Variants in FANCL observed in about 807,000 individuals in gnomAD.
The protein encoded by FANCL is FA complementation group L, also known as E3 ubiquitin-protein ligase FANCL.
A neutral mutation model predicts 59.4 loss-of-function variants in FANCL; 69 were observed. The ratio of observed to expected loss-of-function variants is 1.16; its 90% CI spans 0.96 to 1.42. FANCL has a LOEUF of 1.42. FANCL is among the 40% of genes most tolerant of loss of function. The pLI is 0.00. For synonymous variants in FANCL, 180 were observed against 147.1 expected (o/e 1.22, Z -1.62); for missense variants, 519 against 447.2 (o/e 1.16, Z -1.45).
chr2:58,228,856 T>A (rs192124647), intron 3 of FANCL, among the ~76,000 whole-genome samples: 1 of 152,096 alleles, frequency 6.6e-6, no homozygotes, highest in Admixed American at 6.5e-5. Context: ...GAGTAATAGA[T>A]CTTAATATTA....
In FANCL at chr2:58,241,309, G is replaced by A. The variant is rs551142193; in HGVS notation, c.5C>T (p.Ala2Val). Reference protein sequence around the residue: MAVTEASLLRQC... With the variant: MVVTEASLLRQC... ...GCGCAACAGGCTCGCTTCCGTCACC[G>A]CCATGGCTCGAAGTCCGGAGAAACA... Residue 2 changes from alanine to valine, a missense_variant, in exon 1 of 14, where the codon GCG becomes GTG. Coordinates refer to ENST00000233741, the MANE Select transcript of FANCL (RefSeq NM_018062.4). 6.2e-6 allele frequency: 10 copies of A among 1,614,024 alleles called. No homozygotes were observed. The highest frequency in any genetic ancestry group is 1.3e-5 in the African/African-American group (1 of 75,070).
At position 58,241,245 on chromosome 2, in the gene FANCL, G is replaced by A. The variant is rs2104080806; in HGVS notation, c.69C>T (p.Thr23=). ...PLLLPQNRSK[T]VYEGFISAQG... Reference sequence around the variant, plus strand: ...GAGCCGAGATGAATCCCTCATACACGGTTTTCGACCGGTTCTGGGGCAGAA... The same window carrying A: ...GAGCCGAGATGAATCCCTCATACACAGTTTTCGACCGGTTCTGGGGCAGAA... The change falls in exon 1 of 14, where the codon ACC becomes ACT. Residue 23 remains threonine, a synonymous_variant. Coordinates refer to ENST00000233741, the MANE Select transcript of FANCL (RefSeq NM_018062.4). 6.2e-7 allele frequency: 1 copy of A among 1,614,248 alleles called. No homozygotes were observed. Among genetic ancestry groups the A allele is most frequent in the South Asian group, 1.1e-5 (1 of 91,084 alleles).
intron 5 of FANCL, among the ~76,000 whole-genome samples, chr2:58,204,430 A>G (rs1310468365): frequency 6.6e-6 from 1 of 152,112 alleles, no homozygotes; most frequent in South Asian, 2.1e-4. Context: ...ATGCAGTCAT[A>G]TATCTCTGGA....
intron 1 of FANCL, among the ~76,000 whole-genome samples, chr2:58,240,110 TAAAA>T (rs79031739): frequency 5.4e-5 from 7 of 130,676 alleles, no homozygotes; most frequent in Non-Finnish European, 1.0e-4. Context: ...ATGCTTCCTG[TAAAA>T]AAAAAAAAAA....
chr2:58,159,442 C>A lies in FANCL; in HGVS notation c.*323G>T. ...ACAAAAAATCAGCTATACACAATTC[C>A]CAAACTCATTTTATGAGCCTCATCA... is the stretch of plus-strand genomic sequence containing the variant. On this transcript the variant is annotated 3_prime_UTR_variant, in exon 14 of 14. Coordinates refer to ENST00000233741, the MANE Select transcript of FANCL (RefSeq NM_018062.4). 6.2e-7 allele frequency: 1 copy of A among 1,613,508 alleles called. No individual in the cohort carries two copies. The highest frequency in any genetic ancestry group is 8.5e-7 in the Non-Finnish European group (1 of 1,179,658).
chr2:58,236,013 T>TTTGGAGTGCCCA (rs1693983590), intron 1 of FANCL, among the ~76,000 whole-genome samples: 1 of 150,588 alleles, frequency 6.6e-6, no homozygotes, highest in South Asian at 2.1e-4. Flanking sequence ...AATGCATGTA[T>TTTGGAGTGCCCA]TTGGAGTGCC....
intron 5 of FANCL, among the ~76,000 whole-genome samples, chr2:58,215,113 C>A (rs1691582948): frequency 6.6e-6 from 1 of 152,178 alleles, no homozygotes; most frequent in Admixed American, 6.5e-5. Context: ...CATTAAGCAT[C>A]TGAAGATAAG....
chr2:58,196,737 G>A (rs1417614681), intron 7 of FANCL, among the ~76,000 whole-genome samples: 1 of 151,808 alleles, frequency 6.6e-6, no homozygotes, highest in African/African-American at 2.4e-5. Flanking sequence ...ATAAATGCCT[G>A]GGGAAACTTC....
At position 58,160,094 on chromosome 2, in the gene FANCL, A is replaced by C. The variant is rs778127243; in HGVS notation, c.1092+14T>G. 3.1e-6 allele frequency: 5 copies of C among 1,611,238 alleles called. No individual in the cohort carries two copies. The South Asian group carries it at 4.4e-5, about 14-fold the overall frequency. ...TAGGCACATTTTATGAGATGTGATT[A>C]ACAATTTGCTTACCTTACTACAATA... On this transcript the variant is annotated intron_variant, in intron 13 of 13. Transcript: ENST00000233741.
intron 7 of FANCL, among the ~76,000 whole-genome samples, chr2:58,176,603 T>C (rs1687344823): frequency 6.6e-6 from 1 of 152,178 alleles, no homozygotes; most frequent in Non-Finnish European, 1.5e-5. Flanking sequence ...CCGGATCCCT[T>C]CCTTACACCT....
At chr2:58,178,673 A>G (rs1687616455) in intron 7 of FANCL, among the ~76,000 whole-genome samples, 1 of 152,180 alleles carries the variant, frequency 6.6e-6, no homozygotes, top group Non-Finnish European at 1.5e-5. Context: ...AACCAGCACA[A>G]GACAAGGATG....
intron 5 of FANCL, among the ~76,000 whole-genome samples, chr2:58,210,232 T>A (rs1194193448): frequency 6.6e-6 from 1 of 152,190 alleles, no homozygotes; most frequent in Non-Finnish European, 1.5e-5. Context: ...AAGGCTTAAT[T>A]GGACTCACAG....
At chr2:58,167,119 G>GGAGAATCACTT (rs1686033794) in intron 7 of FANCL, among the ~76,000 whole-genome samples, 1 of 152,200 alleles carries the variant, frequency 6.6e-6, no homozygotes, top group Non-Finnish European at 1.5e-5. Context: ...GACAGAGGCA[G>GGAGAATCACTT]GAGAATCACT....
At chr2:58,225,952 G>A (rs966063407) in intron 4 of FANCL, among the ~76,000 whole-genome samples, 2 of 151,944 alleles carry the variant, frequency 1.3e-5, no homozygotes, top group African/African-American at 4.8e-5. Context: ...TACAAACAAA[G>A]CAGCTATAAG....
intron 1 of FANCL, among the ~76,000 whole-genome samples, chr2:58,240,004 C>G (rs1694365245): frequency 6.6e-6 from 1 of 151,536 alleles, no homozygotes; most frequent in East Asian, 1.9e-4. Context: ...AAGAAACTTT[C>G]ATCTAATCTC....
intron 7 of FANCL, among the ~76,000 whole-genome samples, chr2:58,191,189 G>A (rs1456013403): frequency 1.3e-5 from 2 of 151,388 alleles, no homozygotes; most frequent in East Asian, 1.9e-4. Flanking sequence ...GTCCCTGTCA[G>A]GAACAAAACA....
At chr2:58,236,136 C>T (rs1227041713) in intron 1 of FANCL, among the ~76,000 whole-genome samples, 4 of 151,168 alleles carry the variant, frequency 2.6e-5, no homozygotes, top group African/African-American at 9.7e-5. Context: ...ATCCAAGAAG[C>T]TCCACAGACC....
intron 5 of FANCL, among the ~76,000 whole-genome samples, chr2:58,206,055 A>C (rs1690551433): frequency 1.3e-5 from 2 of 152,232 alleles, no homozygotes; most frequent in African/African-American, 2.4e-5. Context: ...TGACTACTAC[A>C]ATTTAAAATG....
intron 2 of FANCL, among the ~76,000 whole-genome samples, chr2:58,230,121 T>C (rs1011679067): frequency 6.6e-6 from 1 of 152,016 alleles, no homozygotes; most frequent in Non-Finnish European, 1.5e-5. Context: ...TTTTTAACTT[T>C]AACACATCCG....
Sources: allele counts gnomAD v4.1 joint callset (sites outside exome capture counted in the v4.1 genomes callset), GRCh38; gene constraint gnomAD v4.1.1; transcripts MANE v1.5; gene names NCBI Gene and HGNC (gene_info 2026-07-23, HGNC 2026-07-21).